ARID1B: variants seen among roughly 807,000 people sequenced by gnomAD.
The protein encoded by ARID1B is AT-rich interactive domain-containing protein 1B.
Under a neutral mutation model 212.3 loss-of-function variants are expected in ARID1B, and 30 were observed. The observed-to-expected ratio is 0.14, with a 90% confidence interval of 0.11 to 0.19. The LOEUF (loss-of-function observed/expected upper bound fraction) is 0.19, where lower values mean the gene tolerates loss of function less well. Among genes scored for constraint, ARID1B ranks in the 10% least tolerant of loss-of-function variants. The pLI, the probability that ARID1B is intolerant of heterozygous loss-of-function variation, is 1.00. For synonymous variants in ARID1B, 1,402 were observed against 1,301.7 expected, an observed-to-expected ratio of 1.08 and a Z score of -1.66; for missense variants, 2,891 against 3,204.0, an observed-to-expected ratio of 0.90 and a Z score of 2.36.
At chr6:156,960,709 A>G (rs907291538) in intron 4 of ARID1B, among the ~76,000 whole-genome samples, 3 of 152,188 alleles carry the variant, frequency 2.0e-5, no homozygotes, top group African/African-American at 4.8e-5. Context: ...GAGAACCCCA[A>G]ATTACTCTCT....
At position 157,201,392 on chromosome 6, in the gene ARID1B, C is replaced by T. The variant is rs775920998; in HGVS notation, c.5167C>T (p.Pro1723Ser). Residue 1723 changes from proline to serine, a missense_variant, in exon 18 of 20, where the codon CCC becomes TCC. This residue lies in a region of ARID1B where 666 missense variants were observed against 873.5 expected (regional missense o/e 0.76). Coordinates refer to ENST00000636930, the MANE Select transcript of ARID1B (RefSeq NM_001374828.1). This position sits in a 1 kb window ranked among gnomAD's most constrained non-coding sequence, Gnocchi z 5.2. ...GGTCACCGGGCCACCACCCCAACCA[C>T]CCCCAATCAGAAGGGAGATCACCTT... ...SQVTGPPPQP[P>S]PIRREITFPP... 6.3e-7 allele frequency: 1 copy of T among 1,599,004 alleles called. No individual in the cohort carries two copies. The highest frequency in any genetic ancestry group is 2.2e-5 in the East Asian group (1 of 44,666).
At chr6:157,165,503 GT>G (rs1791264113) in intron 8 of ARID1B, among the ~76,000 whole-genome samples, 1 of 151,976 alleles carries the variant, frequency 6.6e-6, no homozygotes, top group Admixed American at 6.6e-5. Context: ...TTGTACAGAG[GT>G]TTTTCAGTTG....
At chr6:157,036,666 C>T (rs889324538) in intron 4 of ARID1B, 3 of 343,070 alleles carry the variant, frequency 8.7e-6, no homozygotes, top group Non-Finnish European at 1.7e-5. Flanking sequence ...GGATTTCAGC[C>T]CAGCTCTTGA....
At chr6:157,070,408 C>T (rs903728539) in intron 4 of ARID1B, among the ~76,000 whole-genome samples, 6 of 152,112 alleles carry the variant, frequency 3.9e-5, no homozygotes, top group African/African-American at 1.4e-4. Flanking sequence ...TATACTGACA[C>T]CTCCTTTTTT....
chr6:156,905,042 G>A (rs1307625778), intron 3 of ARID1B, among the ~76,000 whole-genome samples: 2 of 151,832 alleles, frequency 1.3e-5, no homozygotes, highest in African/African-American at 2.4e-5. Context: ...GTATTTAAAG[G>A]CATTTGTGTT....
At chr6:156,983,579 C>T (rs527496936) in intron 4 of ARID1B, among the ~76,000 whole-genome samples, 4 of 152,140 alleles carry the variant, frequency 2.6e-5, no homozygotes, top group South Asian at 4.2e-4. Context: ...AGACACTGGT[C>T]GTGTTCTGCT....
chr6:156,897,577 T>A (rs934365121), intron 2 of ARID1B, among the ~76,000 whole-genome samples: 2 of 151,954 alleles, frequency 1.3e-5, no homozygotes, highest in Non-Finnish European at 1.5e-5. Context: ...CCCAGCCAGA[T>A]TCTTATTTTT....
At chr6:157,042,760 G>A (rs1781973543) in intron 4 of ARID1B, among the ~76,000 whole-genome samples, 1 of 151,184 alleles carries the variant, frequency 6.6e-6, no homozygotes, top group South Asian at 2.1e-4. Context: ...CCAGGTTCAA[G>A]TGATTCTCCT....
intron 4 of ARID1B, among the ~76,000 whole-genome samples, chr6:156,992,490 T>C (rs1778327347): frequency 6.6e-6 from 1 of 152,224 alleles, no homozygotes; most frequent in Non-Finnish European, 1.5e-5. Context: ...TTCTAAGATA[T>C]GTGTTTTCAG....
At chr6:157,138,801 A>G (rs1789126945) in intron 7 of ARID1B, among the ~76,000 whole-genome samples, 1 of 152,222 alleles carries the variant, frequency 6.6e-6, no homozygotes, top group Admixed American at 6.5e-5. Context: ...GGTTAAATCG[A>G]CAGTGCAAAG....
chr6:156,957,140 G>C (rs188718699), intron 4 of ARID1B, among the ~76,000 whole-genome samples: 2 of 152,288 alleles, frequency 1.3e-5, no homozygotes, highest in African/African-American at 4.8e-5. Flanking sequence ...TGCAGGGTTT[G>C]GCATGTAGGC....
chr6:156,886,004 T>C (rs1046125007), intron 2 of ARID1B, among the ~76,000 whole-genome samples: 19 of 152,210 alleles, frequency 1.2e-4, no homozygotes, highest in African/African-American at 4.3e-4. Flanking sequence ...GAGATGCTTA[T>C]TGGAGCATCC....
At chr6:157,101,282 A>T (rs971474911) in intron 5 of ARID1B, among the ~76,000 whole-genome samples, 2 of 152,168 alleles carry the variant, frequency 1.3e-5, no homozygotes, top group Non-Finnish European at 2.9e-5. Context: ...CTATGTATTG[A>T]TTTTGTAGCA....
intron 4 of ARID1B, among the ~76,000 whole-genome samples, chr6:157,048,933 G>A (rs1331749749): frequency 6.6e-6 from 1 of 152,112 alleles, no homozygotes; most frequent in African/African-American, 2.4e-5. Flanking sequence ...CAGCACTTTG[G>A]GAGACTGAGG....
chr6:157,061,485 G>A (rs570660159), intron 4 of ARID1B, among the ~76,000 whole-genome samples: 4 of 152,040 alleles, frequency 2.6e-5, no homozygotes, highest in Admixed American at 6.5e-5. Context: ...TTGACATCTC[G>A]CAGTTGTGGG....
chr6:156,902,928 A>G (rs548586844), intron 3 of ARID1B, among the ~76,000 whole-genome samples: 98 of 152,180 alleles, frequency 6.4e-4, no homozygotes, highest in African/African-American at 2.3e-3. Flanking sequence ...ACCTTTTTCA[A>G]GGGGCTTTCA....
At chr6:157,157,651 C>G (rs746799546) in intron 8 of ARID1B, among the ~76,000 whole-genome samples, 1 of 152,196 alleles carries the variant, frequency 6.6e-6, no homozygotes, top group Non-Finnish European at 1.5e-5. Flanking sequence ...AGAAGCAACT[C>G]ACTAAGATGC....
rs1789986807 is a variant in ARID1B, at chr6:157,148,841, G to A, written c.2979G>A (p.Met993Ile). 1.2e-6 allele frequency: 2 copies of A among 1,612,908 alleles called. No individual in the cohort carries two copies. Among genetic ancestry groups the A allele is most frequent in the African/African-American group, 2.7e-5 (2 of 74,938 alleles). ...MSSMTPSSPG[M>I]SQQGGPGMGP... ...GCATGACCCCCAGTTCTCCTGGCAT[G>A]TCTCAGCAGGGAGGGCCAGGAATGG... Residue 993 changes from methionine (M) to isoleucine (I), a missense_variant, in exon 8 of 20, where the codon ATG (methionine) becomes ATA (isoleucine). By Grantham distance (10) the Met-to-Ile change is conservative (BLOSUM62 1). Around this residue, in one of 7 missense-constraint regions of ARID1B, gnomAD observed 1,643 missense variants for 1,544.0 expected, o/e 1.06. Transcript: ENST00000636930. This position sits in a 1 kb window ranked among gnomAD's most constrained non-coding sequence, Gnocchi z 5.6.
intron 1 of ARID1B, among the ~76,000 whole-genome samples, chr6:156,820,721 T>TA (rs1782293593): frequency 6.6e-6 from 1 of 152,240 alleles, no homozygotes; most frequent in Admixed American, 6.5e-5. Context: ...CCTGCTCCGT[T>TA]ATAACCTTTT....
Sources: gnomAD v4.1 joint callset for allele counts (sites outside exome capture counted in the v4.1 genomes callset) on GRCh38, gnomAD v4.1.1 for gene constraint, gnomAD v4.1.1 regional missense constraint, Gnocchi (gnomAD v3.1) non-coding constraint, MANE v1.5 for transcripts, NCBI Gene and HGNC (gene_info 2026-07-23, HGNC 2026-07-21) for gene names.